The following CSNK2A2IP variants were observed in gnomAD, a reference collection of about 807,000 sequenced individuals.
CSNK2A2IP encodes the protein casein kinase II subunit alpha'-interacting protein.
chr3:88,426,627 T>C, the CSNK2A2IP span, among the ~76,000 whole-genome samples: 3 of 152,098 alleles, frequency 2.0e-5, no homozygotes, highest in African/African-American at 4.8e-5. Flanking sequence ...GATCTTGTGA[T>C]AGGGAGTGAG....
At chr3:88,414,763 A>G in the CSNK2A2IP span, among the ~76,000 whole-genome samples, 1 of 152,038 alleles carries the variant, frequency 6.6e-6, no homozygotes, top group Non-Finnish European at 1.5e-5. Flanking sequence ...TGATGAATGC[A>G]TAGTAGACAG....
the CSNK2A2IP span, among the ~76,000 whole-genome samples, chr3:88,407,582 C>T: frequency 6.6e-6 from 1 of 152,084 alleles, no homozygotes; most frequent in African/African-American, 2.4e-5. Context: ...CAAGTGGTGA[C>T]AGGTGGCCAT....
chr3:88,434,450 A>C, the CSNK2A2IP span, among the ~76,000 whole-genome samples: 1 of 152,142 alleles, frequency 6.6e-6, no homozygotes, highest in African/African-American at 2.4e-5. Context: ...GCCAAAATGG[A>C]GAAAGTTGAA....
At chr3:88,397,248 G>C in the CSNK2A2IP span, among the ~76,000 whole-genome samples, 18 of 152,282 alleles carry the variant, frequency 1.2e-4, no homozygotes, top group Admixed American at 2.6e-4. Context: ...TACTTCAAGT[G>C]TATTTCAGCT....
the CSNK2A2IP span, among the ~76,000 whole-genome samples, chr3:88,375,480 G>A: frequency 1.3e-5 from 2 of 151,650 alleles, no homozygotes; most frequent in African/African-American, 4.8e-5. Context: ...AAGACTCTGG[G>A]ATCAATGTTG....
the CSNK2A2IP span, among the ~76,000 whole-genome samples, chr3:88,354,988 T>C: frequency 6.6e-6 from 1 of 151,988 alleles, no homozygotes; most frequent in East Asian, 1.9e-4. Flanking sequence ...AAAAGAAAGA[T>C]AGGAACCAAG....
At chr3:88,364,205 C>A in the CSNK2A2IP span, among the ~76,000 whole-genome samples, 1 of 152,132 alleles carries the variant, frequency 6.6e-6, no homozygotes. Flanking sequence ...TGTCTCCCAT[C>A]TCTCGGGGAT....
the CSNK2A2IP span, chr3:88,382,873 C>CT: frequency 1.3e-5 from 2 of 152,086 alleles, no homozygotes; most frequent in Non-Finnish European, 2.9e-5. Context: ...CAAATCTAAC[C>CT]TTTTTGGGTA....
the CSNK2A2IP span, among the ~76,000 whole-genome samples, chr3:88,446,013 TTTTCTTTCTTTGTTTCTTTTCTTTCTTTC>T: frequency 6.9e-6 from 1 of 144,964 alleles, no homozygotes; most frequent in East Asian, 2.0e-4. Flanking sequence ...CCTTTCTTTC[TTTTCTTTCTTTGTTTCTTTTCTTTCTTTC>T]TTTCTTTCTT....
the CSNK2A2IP span, among the ~76,000 whole-genome samples, chr3:88,420,865 T>C: frequency 6.6e-6 from 1 of 152,160 alleles, no homozygotes; most frequent in East Asian, 1.9e-4. Context: ...TTGGGTTCAT[T>C]TACATAGGAT....
the CSNK2A2IP span, among the ~76,000 whole-genome samples, chr3:88,388,739 A>G: frequency 0.029 from 4,356 of 152,188 alleles, 216 homozygotes; most frequent in African/African-American, 0.098. Context: ...AACATTTCCT[A>G]GTTAGTCAAG....
chr3:88,427,682 T>A, the CSNK2A2IP span, among the ~76,000 whole-genome samples: 1 of 152,192 alleles, frequency 6.6e-6, no homozygotes, highest in Non-Finnish European at 1.5e-5. Flanking sequence ...CAAGCCTTGA[T>A]GCCTTCAACA....
chr3:88,421,316 C>T, the CSNK2A2IP span, among the ~76,000 whole-genome samples: 1 of 152,144 alleles, frequency 6.6e-6, no homozygotes, highest in Non-Finnish European at 1.5e-5. Flanking sequence ...CGTCTAGTTC[C>T]CCCATAACTC....
At chr3:88,434,954 A>T in the CSNK2A2IP span, among the ~76,000 whole-genome samples, 1 of 152,154 alleles carries the variant, frequency 6.6e-6, no homozygotes, top group African/African-American at 2.4e-5. Context: ...TTTTATCAGA[A>T]TTTATCACCA....
chr3:88,381,145 C>T, the CSNK2A2IP span, among the ~76,000 whole-genome samples: 105 of 152,118 alleles, frequency 6.9e-4, no homozygotes, highest in Non-Finnish European at 3.1e-4. Context: ...ATCTGGTCCT[C>T]GTCCTGAGAT....
At chr3:88,345,341 C>T in the CSNK2A2IP span, among the ~76,000 whole-genome samples, 3 of 151,978 alleles carry the variant, frequency 2.0e-5, no homozygotes, top group African/African-American at 7.2e-5. Context: ...TTTACCTCTG[C>T]TTTCTTTAAT....
chr3:88,355,694 C>T, the CSNK2A2IP span, among the ~76,000 whole-genome samples: 6 of 152,052 alleles, frequency 3.9e-5, no homozygotes, highest in African/African-American at 1.4e-4. Flanking sequence ...TTCCAGGGAT[C>T]TTTCTCAATG....
the CSNK2A2IP span, among the ~76,000 whole-genome samples, chr3:88,355,474 A>G: frequency 6.6e-6 from 1 of 152,118 alleles, no homozygotes; most frequent in South Asian, 2.1e-4. Flanking sequence ...GACATGTCCT[A>G]CTGAAAGACT....
the CSNK2A2IP span, among the ~76,000 whole-genome samples, chr3:88,418,558 A>G: frequency 2.0e-5 from 3 of 152,040 alleles, no homozygotes; most frequent in Non-Finnish European, 4.4e-5. Context: ...TACTACTTAC[A>G]ATTAGCCTTA....
Sources: gnomAD v4.1 joint callset for allele counts (sites outside exome capture counted in the v4.1 genomes callset) on GRCh38, gnomAD v4.1.1 for gene constraint, MANE v1.5 for transcripts, NCBI Gene and HGNC (gene_info 2026-07-23, HGNC 2026-07-21) for gene names.